ASPRV1: variants seen among roughly 807,000 people sequenced by gnomAD.
ASPRV1 encodes the protein retroviral-like aspartic protease 1.
ASPRV1 carries 7 observed loss-of-function variants against 11.0 expected under a neutral mutation model. The observed-to-expected ratio is 0.64, with a 90% CI of 0.36 to 1.20. The LOEUF (loss-of-function observed/expected upper bound fraction) is 1.20. Among genes scored for constraint, ASPRV1 ranks in the 50% most tolerant of loss-of-function variants. The pLI is 0.02. For synonymous variants in ASPRV1, 136 were observed against 138.4 expected (o/e 0.98, Z 0.12); for missense variants, 299 against 320.0 (o/e 0.93, Z 0.50).
rs760914815 is a variant in ASPRV1 at position 69,961,365 on chromosome 2, C to T, written c.72G>A (p.Gly24=). The change falls in exon 1 of 1, where the codon GGG becomes GGA. Residue 24 remains glycine, a synonymous_variant. Coordinates refer to ENST00000320256, the MANE Select transcript of ASPRV1 (RefSeq NM_152792.4). The part of the protein sequence containing the change: ...QHAFVPEPFD[G]ANVVPNLWLH... ...GCCAGAGGTTTGGGACGACATTGGC[C>T]CCATCAAAAGGTTCCGGGACGAAGG... The T allele has an allele frequency of 2.6e-5, 42 of 1,614,010 alleles. No homozygotes were observed. The highest frequency in any genetic ancestry group is 3.3e-5 in the Non-Finnish European group (39 of 1,180,030).
At chr2:69,989,038 G>C in the ASPRV1 span, among the ~76,000 whole-genome samples, 3 of 152,228 alleles carry the variant, frequency 2.0e-5, no homozygotes, top group Non-Finnish European at 2.9e-5. Flanking sequence ...CCACTGACCA[G>C]GAGATGCTTC....
At chr2:70,027,323 G>A in the ASPRV1 span, among the ~76,000 whole-genome samples, 1 of 149,584 alleles carries the variant, frequency 6.7e-6, no homozygotes, top group Non-Finnish European at 1.5e-5. Flanking sequence ...TATAGCCACT[G>A]TGGAAAGTAG....
At chr2:70,064,236 A>T in the ASPRV1 span, among the ~76,000 whole-genome samples, 1 of 152,208 alleles carries the variant, frequency 6.6e-6, no homozygotes, top group Non-Finnish European at 1.5e-5. Context: ...GCCAGTGTTT[A>T]AAACTCACCC....
At chr2:70,028,078 G>A in the ASPRV1 span, among the ~76,000 whole-genome samples, 8 of 152,188 alleles carry the variant, frequency 5.3e-5, no homozygotes, top group African/African-American at 1.9e-4. Context: ...AACATATCTA[G>A]TGAAATGATA....
At chr2:70,039,533 C>G in the ASPRV1 span, among the ~76,000 whole-genome samples, 26 of 152,150 alleles carry the variant, frequency 1.7e-4, no homozygotes, top group African/African-American at 6.3e-4. Flanking sequence ...AATCCTTAGA[C>G]GTTTAAACCA....
At chr2:69,989,026 A>C in the ASPRV1 span, among the ~76,000 whole-genome samples, 4 of 152,358 alleles carry the variant, frequency 2.6e-5, no homozygotes, top group South Asian at 8.3e-4. Context: ...TCTCTAAAAC[A>C]ACCACTGACC....
At chr2:69,958,814 G>A (rs1292615534), downstream of ASPRV1, among the ~76,000 whole-genome samples, 1 of 152,070 alleles carries the variant, frequency 6.6e-6, no homozygotes, top group South Asian at 2.1e-4. Flanking sequence ...TTCCCCCATC[G>A]CCTTCTCCAG....
At chr2:69,952,446 A>T in the ASPRV1 span, among the ~76,000 whole-genome samples, 2 of 152,114 alleles carry the variant, frequency 1.3e-5, no homozygotes, top group African/African-American at 4.8e-5. Flanking sequence ...TCTAGGCCAC[A>T]ATGAGCTGTG....
the ASPRV1 span, among the ~76,000 whole-genome samples, chr2:70,073,508 T>C: frequency 2.0e-5 from 3 of 152,288 alleles, no homozygotes; most frequent in East Asian, 3.9e-4. Context: ...GATTAAATGA[T>C]ACTTCATTTA....
rs1678044499 is a variant in ASPRV1, at chr2:69,960,517, G to A, written c.*140C>T. 13 of 902,288 alleles carry A rather than the reference G, an allele frequency of 1.4e-5. No individual in the cohort carries two copies. The South Asian group carries it at 2.1e-4, about 14-fold the overall frequency. The allele number at this position is 902,288 out of a possible 1,614,324, so 55.9% of individuals were successfully genotyped here. On this transcript the variant is annotated 3_prime_UTR_variant, in exon 1 of 1. Transcript: ENST00000320256. Reference sequence around the variant, plus strand: ...CCAGGGGCAGATTAAGGCCCCTGCAGAGGGAGGCAAAGGGGAGAGAAGAGC... The same window carrying A: ...CCAGGGGCAGATTAAGGCCCCTGCAAAGGGAGGCAAAGGGGAGAGAAGAGC...
the ASPRV1 span, chr2:70,031,354 G>A: frequency 6.6e-6 from 1 of 152,046 alleles, no homozygotes; most frequent in African/African-American, 2.4e-5. Flanking sequence ...TCTTCTGGCT[G>A]CAGGTGGCAA....
chr2:70,021,779 T>G, the ASPRV1 span, among the ~76,000 whole-genome samples: 1 of 151,910 alleles, frequency 6.6e-6, no homozygotes, highest in African/African-American at 2.4e-5. Flanking sequence ...CTCGGCTCAC[T>G]GCAACCTCCG....
the ASPRV1 span, among the ~76,000 whole-genome samples, chr2:70,024,543 C>T: frequency 6.6e-6 from 1 of 152,196 alleles, no homozygotes; most frequent in South Asian, 2.1e-4. Context: ...GGGCAGCACC[C>T]CTGTCAATCT....
the ASPRV1 span, among the ~76,000 whole-genome samples, chr2:70,078,373 G>A: frequency 1.3e-5 from 2 of 152,138 alleles, no homozygotes; most frequent in Non-Finnish European, 2.9e-5. Context: ...GCTAAATAAT[G>A]AACAATGAAT....
the ASPRV1 span, among the ~76,000 whole-genome samples, chr2:70,023,684 A>C: frequency 8.2e-4 from 125 of 152,066 alleles, no homozygotes; most frequent in African/African-American, 3.0e-3. Context: ...AAAAAAAAAA[A>C]AAAAGATGCA....
the ASPRV1 span, among the ~76,000 whole-genome samples, chr2:69,981,720 C>A: frequency 6.6e-6 from 1 of 152,220 alleles, no homozygotes; most frequent in African/African-American, 2.4e-5. Context: ...CAATGCTCAG[C>A]TAATTTTTTT....
At chr2:70,024,088 T>TA in the ASPRV1 span, among the ~76,000 whole-genome samples, 3,711 of 123,988 alleles carry the variant, frequency 0.03, 67 homozygotes, top group Middle Eastern at 0.07. Context: ...CCGTCACTAT[T>TA]AAAAAAAAAA....
chr2:70,063,357 C>A, the ASPRV1 span, among the ~76,000 whole-genome samples: 2 of 152,178 alleles, frequency 1.3e-5, no homozygotes, highest in African/African-American at 4.8e-5. Flanking sequence ...TTTTGCTATG[C>A]CTCACTGACA....
the ASPRV1 span, chr2:70,087,048 A>G: frequency 3.2e-5 from 2 of 63,476 alleles, no homozygotes; most frequent in Non-Finnish European, 3.2e-5. Context: ...ATCCCCCCAC[A>G]CCCTCGCGCA....
Sources: allele counts gnomAD v4.1 joint callset (sites outside exome capture counted in the v4.1 genomes callset), GRCh38; gene constraint gnomAD v4.1.1; transcripts MANE v1.5; gene names NCBI Gene and HGNC (gene_info 2026-07-23, HGNC 2026-07-21).